MROH1: variants seen among roughly 807,000 people sequenced by gnomAD.
MROH1 encodes maestro heat like repeat family member 1, also known as maestro heat-like repeat-containing protein family member 1.
A neutral mutation model predicts 116.5 loss-of-function variants in MROH1; 117 were observed. The ratio of observed to expected loss-of-function variants is 1.00; its 90% confidence interval spans 0.86 to 1.17. The LOEUF (loss-of-function observed/expected upper bound fraction) is 1.17, where lower values mean the gene tolerates loss of function less well. Among genes scored for constraint, MROH1 ranks in the 50% most tolerant of loss-of-function variants. The probability of loss-of-function intolerance (pLI) is 0.00; values close to 1 mark genes in which losing one functional copy is unlikely to be tolerated. For synonymous variants in MROH1, 921 were observed against 583.9 expected, an observed-to-expected ratio of 1.58 and a Z score of -8.32; for missense variants, 1,873 against 1,338.5, an observed-to-expected ratio of 1.40 and a Z score of -6.23.
rs111409277 is a variant in MROH1 at position 144,207,402 on chromosome 8, G to A, written c.1141+6861G>A. ...AGGGTTTCACCATGTTGGCCAGGATGGTCTTGATCTTCTGACCTCGTGATC... is the reference window on the plus strand; with the variant it reads ...AGGGTTTCACCATGTTGGCCAGGATAGTCTTGATCTTCTGACCTCGTGATC... On this transcript the variant is annotated intron_variant, in intron 12 of 43. Transcript: ENST00000326134. Among the ~76,000 whole-genome samples the A allele has an allele frequency of 9.7e-3, 1,472 of 152,152 alleles. 18 individuals carry two copies. Among genetic ancestry groups the A allele is most frequent in the African/African-American group, 0.031 (1,302 of 41,508 alleles).
rs1313392690 is a variant in MROH1 at position 144,175,610 on chromosome 8, G to A, written c.169-3845G>A. ...GACTACATTGTCTCCTACCTGGGAA[G>A]AGTGTCTAGATTATGAAAGTCAGAA... On this transcript the variant is annotated intron_variant, in intron 4 of 43. Coordinates refer to ENST00000326134, the MANE Select transcript of MROH1 (RefSeq NM_032450.3). The A allele has an allele frequency of 1.3e-5, 8 of 631,784 alleles. No individual in the cohort carries two copies. The African/African-American group carries it at 1.3e-4, about 11-fold the overall frequency. 39.1% of individuals were successfully genotyped at this position (631,784 alleles called of 1,614,324 possible). A position where few individuals can be genotyped will look rare whatever the true frequency, so the allele number is the denominator to read the frequency against.
chr8:144,193,610 A>T (rs966655560), intron 10 of MROH1, among the ~76,000 whole-genome samples: 4 of 151,948 alleles, frequency 2.6e-5, no homozygotes, highest in African/African-American at 9.7e-5. Context: ...TTATTTATTT[A>T]TTATTTATTT....
At position 144,255,526 on chromosome 8, in the gene MROH1, T is replaced by G. The variant is rs916879901; in HGVS notation, c.3612T>G (p.Phe1204Leu). 3 of 779,046 alleles carry G rather than the reference T, an allele frequency of 3.9e-6. No individual in the cohort carries two copies. Among genetic ancestry groups the G allele is most frequent in the Admixed American group, 3.4e-5 (2 of 59,022 alleles). 48.3% of individuals were successfully genotyped at this position (779,046 alleles called of 1,614,324 possible). ...LLPLSATCAL[F>L]EVMSTPAAGP... ...TCCCCCAGGCTACCTGTGCACTGTT[T>G]GAGGTCATGTCCACGCCTGCAGCGG... The change falls in exon 35 of 44, where the codon TTT (phenylalanine) becomes TTG (leucine). Residue 1204 changes from phenylalanine to leucine, a missense_variant. Transcript: ENST00000326134.
Position 144,261,348 on chromosome 8 carries a change from G to A in MROH1, c.4839G>A (p.Ala1613=), listed in dbSNP as rs1031224101. ...QPQVDLDQLI[A]ALQILLKDPA... is the part of the protein sequence containing the mutation. ...AGGTGGACCTGGACCAGCTCATTGC[G>A]GGTGAGCACCCCTCCACGGGGCCCC... Residue 1613 remains alanine, a splice_region_variant and synonymous_variant, in exon 43 of 44, where the codon GCG becomes GCA. Coordinates refer to ENST00000326134, the MANE Select transcript of MROH1 (RefSeq NM_032450.3). 3.1e-5 allele frequency: 22 copies of A among 706,202 alleles called. No homozygotes were observed. The highest frequency in any genetic ancestry group is 4.1e-5 in the Non-Finnish European group (16 of 388,248). 43.7% of individuals were successfully genotyped at this position (706,202 alleles called of 1,614,324 possible). A position where few individuals can be genotyped will look rare whatever the true frequency, so the allele number is the denominator to read the frequency against.
chr8:144,217,221 A>G (rs1449088543), intron 12 of MROH1, among the ~76,000 whole-genome samples: 1 of 152,236 alleles, frequency 6.6e-6, no homozygotes, highest in African/African-American at 2.4e-5. Flanking sequence ...GGGGTGGCAG[A>G]CAACCACAGA....
At chr8:144,177,084 C>T (rs931837115) in intron 4 of MROH1, among the ~76,000 whole-genome samples, 10 of 152,154 alleles carry the variant, frequency 6.6e-5, no homozygotes, top group Admixed American at 3.9e-4. Context: ...CTTAGTGTTC[C>T]GTGCTGAGGC....
chr8:144,249,133 C>T (rs943452749), intron 32 of MROH1, 104 bp downstream of exon 32: 73,072 of 688,000 alleles, frequency 0.11, 4,567 homozygotes, highest in African/African-American at 0.14. Context: ...AGAGGTGGCA[C>T]TGCGGGAGAA....
intron 12 of MROH1, among the ~76,000 whole-genome samples, chr8:144,202,129 C>G (rs915768511): frequency 2.6e-5 from 4 of 152,160 alleles, no homozygotes; most frequent in African/African-American, 9.7e-5. Context: ...CTCAGGACAC[C>G]TTCAGCGGCC....
chr8:144,188,977 C>T (rs951701618), intron 7 of MROH1, among the ~76,000 whole-genome samples: 5 of 152,192 alleles, frequency 3.3e-5, no homozygotes, highest in South Asian at 4.1e-4. Context: ...AACCACACAG[C>T]CAGCCAACAT....
chr8:144,233,024 C>G (rs1839244262), intron 14 of MROH1, among the ~76,000 whole-genome samples: 1 of 151,648 alleles, frequency 6.6e-6, no homozygotes, highest in Non-Finnish European at 1.5e-5. Flanking sequence ...GGGATGGGGT[C>G]TCTCTGTGTT....
In MROH1 at chr8:144,156,409, TA is replaced by T. The variant is rs1358773284; in HGVS notation, c.-176-4556del. Among the ~76,000 whole-genome samples, 374 of 152,024 alleles carry T rather than the reference TA, an allele frequency of 2.5e-3. 4 individuals carry two copies. The highest frequency in any genetic ancestry group is 8.4e-3 in the African/African-American group (349 of 41,466). The stretch of plus-strand genomic sequence containing the variant: ...TGATGTGAATTATATCAGCTGAATT[TA>T]AAAATATTAAAACCAGCTGGGCACG... On this transcript the variant is annotated intron_variant, in intron 1 of 43. Coordinates refer to ENST00000326134, the MANE Select transcript of MROH1 (RefSeq NM_032450.3).
intron 7 of MROH1, among the ~76,000 whole-genome samples, chr8:144,183,204 C>T (rs1826107448): frequency 6.6e-6 from 1 of 151,782 alleles, no homozygotes; most frequent in African/African-American, 2.4e-5. Flanking sequence ...ATGGTGAGAC[C>T]CCATCGTTAG....
intron 1 of MROH1, among the ~76,000 whole-genome samples, chr8:144,154,610 A>G (rs1817604767): frequency 1.3e-5 from 2 of 151,860 alleles, no homozygotes; most frequent in Non-Finnish European, 2.9e-5. Flanking sequence ...GAATTATCAC[A>G]GTAGTTCAGT....
chr8:144,159,756 C>T lies in MROH1; in HGVS notation c.-176-1214C>T, dbSNP rs542510802. Reference sequence around the variant, plus strand: ...GGTTGGATTTTCTTGCTTCTTTGTACGCCTGGTAATTTTTTTTTTTTTTTT... The same window carrying T: ...GGTTGGATTTTCTTGCTTCTTTGTATGCCTGGTAATTTTTTTTTTTTTTTT... On this transcript the variant is annotated intron_variant, in intron 1 of 43. Transcript: ENST00000326134. Among the ~76,000 whole-genome samples, 39 of 146,930 alleles carry T rather than the reference C, an allele frequency of 2.7e-4. No individual in the cohort carries two copies. The East Asian group carries it at 3.7e-3, about 14-fold the overall frequency.
intron 14 of MROH1, among the ~76,000 whole-genome samples, chr8:144,233,217 G>T (rs972566161): frequency 6.6e-6 from 1 of 151,902 alleles, no homozygotes; most frequent in Non-Finnish European, 1.5e-5. Context: ...ACACTTCAGC[G>T]ACTTTAAGCT....
chr8:144,222,966 A>T, intron 13 of MROH1, 142 bp from the exon 14 acceptor site: 2 of 1,187,378 alleles, frequency 1.7e-6, no homozygotes, highest in South Asian at 1.5e-5. Context: ...GTATGGGTGC[A>T]GGTACAGGTG....
intron 35 of MROH1, among the ~76,000 whole-genome samples, chr8:144,256,237 C>T (rs1056368511): frequency 2.6e-5 from 4 of 152,122 alleles, no homozygotes; most frequent in Admixed American, 6.5e-5. Flanking sequence ...CCTGGGCAGG[C>T]GTGGCTGTGT....
chr8:144,216,502 C>T (rs192221868), intron 12 of MROH1, among the ~76,000 whole-genome samples: 1 of 151,942 alleles, frequency 6.6e-6, no homozygotes, highest in Non-Finnish European at 1.5e-5. Context: ...AACACAGTGT[C>T]CAGTGTCTTT....
chr8:144,240,243 G>A (rs1385227975), intron 19 of MROH1, 90 bp downstream of exon 19: 9 of 657,776 alleles, frequency 1.4e-5, no homozygotes, highest in Middle Eastern at 6.9e-4. Flanking sequence ...CACCTGCCTC[G>A]ACCTCACCTC....
Sources: allele counts gnomAD v4.1 joint callset (sites outside exome capture counted in the v4.1 genomes callset), GRCh38; gene constraint gnomAD v4.1.1; transcripts MANE v1.5; gene names NCBI Gene and HGNC (gene_info 2026-07-23, HGNC 2026-07-21).